The following HHAT variants were observed in gnomAD, a reference collection of about 807,000 sequenced individuals.
The protein encoded by HHAT is hedgehog acyltransferase, also known as protein-cysteine N-palmitoyltransferase HHAT.
HHAT carries 47 observed loss-of-function variants against 70.8 expected under a neutral mutation model. The observed-to-expected ratio is 0.66, with a 90% CI of 0.53 to 0.85. HHAT has a LOEUF of 0.85. HHAT is among the 40% of genes least tolerant of loss of function. The pLI is 0.00. For missense variants in HHAT, 609 were observed against 604.8 expected (o/e 1.01, Z -0.07); for synonymous variants, 228 against 247.6 (o/e 0.92, Z 0.74).
intron 11 of HHAT, among the ~76,000 whole-genome samples, chr1:210,665,205 T>C (rs1226641697): frequency 1.3e-5 from 2 of 152,258 alleles, no homozygotes; most frequent in Non-Finnish European, 2.9e-5. Context: ...GCAAAAGTAA[T>C]TGAGGTTTTG....
intron 11 of HHAT, among the ~76,000 whole-genome samples, chr1:210,653,355 C>CA (rs751078371): frequency 5.3e-5 from 8 of 151,924 alleles, no homozygotes; most frequent in Non-Finnish European, 8.8e-5. Flanking sequence ...CCAGCCTTGG[C>CA]AAAAAATCAT....
At position 210,674,376 on chromosome 1, in the gene HHAT, C is replaced by G. The variant is rs1258511865; in HGVS notation, c.1479C>G (p.Asp493Glu). 6.2e-7 allele frequency: 1 copy of G among 1,613,358 alleles called. No homozygotes were observed. The highest frequency in any genetic ancestry group is 1.3e-5 in the African/African-American group (1 of 74,944). The change falls in exon 12 of 12, where the codon GAC becomes GAG. Residue 493 changes from aspartate (D) to glutamate (E), a missense_variant. Asp to Glu is a conservative substitution (Grantham distance 45). Coordinates refer to ENST00000261458, the MANE Select transcript of HHAT (RefSeq NM_018194.6). ...GIAWAQTYAT[D>E] Reference sequence around the variant, plus strand: ...CCTGGGCCCAGACCTACGCCACGGACTAATGCTGTTGGGCCCAGGCCAGTC... The same window carrying G: ...CCTGGGCCCAGACCTACGCCACGGAGTAATGCTGTTGGGCCCAGGCCAGTC...
At chr1:210,448,142 C>T (rs1049554796) in intron 7 of HHAT, among the ~76,000 whole-genome samples, 3 of 149,592 alleles carry the variant, frequency 2.0e-5, no homozygotes, top group Admixed American at 6.7e-5. Context: ...TGCGGTAGCT[C>T]GATCTCAGTA....
intron 9 of HHAT, among the ~76,000 whole-genome samples, chr1:210,563,460 G>A (rs1033968203): frequency 6.6e-6 from 1 of 152,118 alleles, no homozygotes; most frequent in Non-Finnish European, 1.5e-5. Context: ...GATAGTGGGT[G>A]GAAAGCACGA....
At chr1:210,531,470 T>C (rs1283410609) in intron 9 of HHAT, among the ~76,000 whole-genome samples, 1 of 152,166 alleles carries the variant, frequency 6.6e-6, no homozygotes, top group Non-Finnish European at 1.5e-5. Context: ...GAATCTCTTG[T>C]CAATACAGGC....
In HHAT at chr1:210,452,758, T is replaced by TATGGTAAATCC. The variant is rs542986054; in HGVS notation, c.857-11734_857-11724dup. ...AATTTATTATTGAATGGTGCTTCTC[T>TATGGTAAATCC]ATGGTAAATCCATGGTAAATCCAGG... On this transcript the variant is annotated intron_variant, in intron 7 of 11. Transcript: ENST00000261458. Among the ~76,000 whole-genome samples the TATGGTAAATCC allele has an allele frequency of 2.5e-3, 379 of 152,358 alleles. 9 individuals are homozygous for TATGGTAAATCC. The South Asian group carries it at 0.056, about 22-fold the overall frequency.
intron 11 of HHAT, among the ~76,000 whole-genome samples, chr1:210,643,705 A>ATT (rs142070413): frequency 1.1e-4 from 16 of 146,758 alleles, no homozygotes; most frequent in Admixed American, 4.1e-4. Flanking sequence ...CAGTAGATTC[A>ATT]TTTTTTTTTT....
chr1:210,451,341 T>G (rs550979612), intron 7 of HHAT, among the ~76,000 whole-genome samples: 1 of 152,288 alleles, frequency 6.6e-6, no homozygotes, highest in African/African-American at 2.4e-5. Context: ...CTCTTTGAAA[T>G]TCCCTGCATG....
chr1:210,518,213 T>A (rs1468930673), intron 9 of HHAT, among the ~76,000 whole-genome samples: 3 of 152,206 alleles, frequency 2.0e-5, no homozygotes, highest in African/African-American at 7.2e-5. Context: ...TGAAACTTTG[T>A]ACCCCTTTGC....
At chr1:210,439,714 A>G (rs763670540) in intron 7 of HHAT, 3 of 152,050 alleles carry the variant, frequency 2.0e-5, no homozygotes, top group Non-Finnish European at 2.9e-5. Flanking sequence ...TTCTCTTGCA[A>G]AGTAATTCCT....
intron 7 of HHAT, among the ~76,000 whole-genome samples, chr1:210,443,091 T>A (rs1348664942): frequency 6.6e-6 from 1 of 152,226 alleles, no homozygotes; most frequent in Admixed American, 6.5e-5. Context: ...GCACCATTTA[T>A]TAAACAGGGA....
At chr1:210,555,394 G>A (rs2095563034) in intron 9 of HHAT, among the ~76,000 whole-genome samples, 1 of 152,146 alleles carries the variant, frequency 6.6e-6, no homozygotes, top group Non-Finnish European at 1.5e-5. Context: ...CCAGTGCTGG[G>A]GACAGGAAGA....
At chr1:210,518,456 C>A (rs1314311563) in intron 9 of HHAT, among the ~76,000 whole-genome samples, 1 of 152,070 alleles carries the variant, frequency 6.6e-6, no homozygotes, top group Non-Finnish European at 1.5e-5. Context: ...CATTGAGTTG[C>A]CAAAATCAAA....
intron 5 of HHAT, among the ~76,000 whole-genome samples, chr1:210,403,930 AC>A (rs1450030412): frequency 1.4e-4 from 9 of 66,640 alleles, no homozygotes; most frequent in African/African-American, 2.5e-4. Context: ...GAGGGCAGGG[AC>A]TTTTTTTTTT....
rs139834570 is a variant in HHAT, at chr1:210,615,855, G to C, written c.1246-7671G>C. Among the ~76,000 whole-genome samples the C allele has an allele frequency of 8.3e-3, 1,264 of 152,294 alleles. 10 individuals are homozygous for C. The highest frequency in any genetic ancestry group is 0.014 in the Non-Finnish European group (957 of 68,016). ...GGTGTCAGTCTGCCCCTACTGGGGG[G>C]TGCCTCCCAGTTAGGCTACTCGGGG... is the stretch of plus-strand genomic sequence containing the variant. On this transcript the variant is annotated intron_variant, in intron 10 of 11. Transcript: ENST00000261458.
chr1:210,382,564 T>C (rs886775986), intron 3 of HHAT, among the ~76,000 whole-genome samples: 14 of 152,094 alleles, frequency 9.2e-5, no homozygotes, highest in African/African-American at 3.4e-4. Context: ...CATTTTTCCC[T>C]CCAGAGAGAA....
chr1:210,432,276 T>C (rs1366709866), intron 7 of HHAT, among the ~76,000 whole-genome samples: 2 of 151,798 alleles, frequency 1.3e-5, no homozygotes, highest in South Asian at 2.1e-4. Context: ...GGGCCAAGTA[T>C]AGAACTTTAG....
At chr1:210,590,281 C>G (rs1185317793) in intron 10 of HHAT, 1 of 151,996 alleles carries the variant, frequency 6.6e-6, no homozygotes, top group Non-Finnish European at 1.5e-5. Context: ...CCCTTCTTCC[C>G]TCTCTTTTCA....
At chr1:210,602,564 G>T (rs1305410013) in intron 10 of HHAT, among the ~76,000 whole-genome samples, 2 of 152,128 alleles carry the variant, frequency 1.3e-5, no homozygotes, top group African/African-American at 4.8e-5. Flanking sequence ...CGGTTAGAGA[G>T]GCCACATGGT....
Sources: allele counts gnomAD v4.1 joint callset (sites outside exome capture counted in the v4.1 genomes callset), GRCh38; gene constraint gnomAD v4.1.1; transcripts MANE v1.5; gene names NCBI Gene and HGNC (gene_info 2026-07-23, HGNC 2026-07-21).